The following CHCHD6 variants were observed in gnomAD, a reference collection of about 807,000 sequenced individuals.
The protein encoded by CHCHD6 is MICOS complex subunit MIC25.
CHCHD6 carries 28 observed loss-of-function variants against 32.3 expected under a neutral mutation model. That is an observed-to-expected ratio of 0.87 (90% confidence interval 0.64 to 1.19). CHCHD6 has a LOEUF of 1.19. CHCHD6 is among the 50% of genes most tolerant of loss of function. The pLI is 0.00. For synonymous variants in CHCHD6, 122 were observed against 117.5 expected, an observed-to-expected ratio of 1.04 and a Z score of -0.25; for missense variants, 333 against 307.0, an observed-to-expected ratio of 1.08 and a Z score of -0.63.
intron 4 of CHCHD6, among the ~76,000 whole-genome samples, chr3:126,746,670 A>T (rs1015720949): frequency 6.6e-6 from 1 of 152,182 alleles, no homozygotes; most frequent in African/African-American, 2.4e-5. Context: ...ATACACCGCC[A>T]TGTCACATGT....
intron 1 of CHCHD6, among the ~76,000 whole-genome samples, chr3:126,713,874 G>A (rs887124585): frequency 2.0e-5 from 3 of 150,046 alleles, no homozygotes; most frequent in Admixed American, 6.6e-5. Flanking sequence ...GCTTTAGATC[G>A]AGACCATCCT....
rs2078807526 is a variant in CHCHD6, at chr3:126,957,756, C to T, written c.702+205C>T. The T allele has an allele frequency of 1.2e-5, 8 of 654,428 alleles. No individual in the cohort carries two copies. In the East Asian group the frequency reaches 1.9e-4, roughly 16 times the overall value. 40.5% of individuals were successfully genotyped at this position (654,428 alleles called of 1,614,324 possible). A position where few individuals can be genotyped will look rare whatever the true frequency, so the allele number is the denominator to read the frequency against. ...TGGCTGCTTCCAGGAGCGCCTTGGACATCTGGCCCCAGGGAGATGATCCCT... is the reference window on the plus strand; with the variant it reads ...TGGCTGCTTCCAGGAGCGCCTTGGATATCTGGCCCCAGGGAGATGATCCCT... On this transcript the variant is annotated intron_variant, in intron 7 of 7. Coordinates refer to ENST00000290913, the MANE Select transcript of CHCHD6 (RefSeq NM_032343.3).
intron 5 of CHCHD6, among the ~76,000 whole-genome samples, chr3:126,854,178 G>C (rs1375674314): frequency 1.3e-5 from 2 of 152,168 alleles, no homozygotes; most frequent in African/African-American, 4.8e-5. Context: ...AGGAAATTCT[G>C]GATGAGTCTT....
At chr3:126,903,078 G>A (rs574250786) in intron 5 of CHCHD6, among the ~76,000 whole-genome samples, 2 of 152,306 alleles carry the variant, frequency 1.3e-5, no homozygotes, top group South Asian at 2.1e-4. Context: ...TATTCTGAGG[G>A]GAACTGGGGC....
chr3:126,955,961 G>C (rs1309538927), intron 6 of CHCHD6, among the ~76,000 whole-genome samples: 1 of 152,220 alleles, frequency 6.6e-6, no homozygotes, highest in Non-Finnish European at 1.5e-5. Flanking sequence ...TCACTGCTAA[G>C]TCAGCAGTGT....
chr3:126,766,926 GA>G, intron 4 of CHCHD6: 1 of 1,038,122 alleles, frequency 9.6e-7, no homozygotes, highest in Non-Finnish European at 1.5e-6. Context: ...CATAGCCACT[GA>G]AGCCCCAGGA....
chr3:126,942,938 T>C (rs933411622), intron 6 of CHCHD6, among the ~76,000 whole-genome samples: 5 of 152,302 alleles, frequency 3.3e-5, no homozygotes, highest in Admixed American at 2.6e-4. Context: ...CACAAGTCCA[T>C]AGTGATACTT....
At chr3:126,945,910 G>A (rs935384096) in intron 6 of CHCHD6, among the ~76,000 whole-genome samples, 5 of 151,994 alleles carry the variant, frequency 3.3e-5, no homozygotes, top group African/African-American at 4.8e-5. Context: ...ACTCTAAGAC[G>A]ACAGGGGGTG....
intron 6 of CHCHD6, among the ~76,000 whole-genome samples, chr3:126,932,363 A>G (rs987300260): frequency 1.1e-4 from 17 of 152,176 alleles, no homozygotes; most frequent in Non-Finnish European, 2.1e-4. Flanking sequence ...AGTGATTGCT[A>G]TGAGTCCTGG....
At chr3:126,797,167 C>T (rs1385503934) in intron 4 of CHCHD6, among the ~76,000 whole-genome samples, 1 of 152,184 alleles carries the variant, frequency 6.6e-6, no homozygotes, top group Non-Finnish European at 1.5e-5. Flanking sequence ...CTGAGGCTCT[C>T]TAGCCCGGCG....
chr3:126,859,778 C>T (rs768240311), intron 5 of CHCHD6, among the ~76,000 whole-genome samples: 6 of 152,198 alleles, frequency 3.9e-5, no homozygotes, highest in Non-Finnish European at 8.8e-5. Context: ...TGCCTCCCAC[C>T]GCCTCCCGCA....
chr3:126,932,323 C>T (rs375553764), intron 6 of CHCHD6, among the ~76,000 whole-genome samples: 2 of 152,282 alleles, frequency 1.3e-5, no homozygotes, highest in South Asian at 4.1e-4. Context: ...AAGCGAGGCC[C>T]TTGGAATCTG....
At chr3:126,776,761 T>A (rs1163654563) in intron 4 of CHCHD6, among the ~76,000 whole-genome samples, 1 of 152,226 alleles carries the variant, frequency 6.6e-6, no homozygotes, top group Non-Finnish European at 1.5e-5. Context: ...ATACATTTTA[T>A]AACCAGTGAC....
intron 4 of CHCHD6, among the ~76,000 whole-genome samples, chr3:126,787,732 C>T (rs547370467): frequency 4.6e-4 from 70 of 152,186 alleles, no homozygotes; most frequent in Admixed American, 1.2e-3. Context: ...TGGGCTGAGA[C>T]GATGGGGTTT....
intron 4 of CHCHD6, among the ~76,000 whole-genome samples, chr3:126,834,120 A>G (rs574786261): frequency 1.3e-4 from 20 of 151,608 alleles, no homozygotes; most frequent in African/African-American, 4.6e-4. Context: ...CATATGTGTG[A>G]AATAATCAAT....
intron 4 of CHCHD6, among the ~76,000 whole-genome samples, chr3:126,805,091 A>G (rs1939298059): frequency 6.6e-6 from 1 of 152,214 alleles, no homozygotes; most frequent in African/African-American, 2.4e-5. Flanking sequence ...CACAGCCAAT[A>G]TCATACTGAA....
chr3:126,788,768 A>G (rs1053403280), intron 4 of CHCHD6, among the ~76,000 whole-genome samples: 2 of 152,014 alleles, frequency 1.3e-5, no homozygotes, highest in African/African-American at 4.8e-5. Context: ...TTTTCAAACA[A>G]CCAGCTCCTG....
At chr3:126,926,662 G>A (rs896988013) in intron 6 of CHCHD6, among the ~76,000 whole-genome samples, 8 of 152,212 alleles carry the variant, frequency 5.3e-5, no homozygotes, top group Admixed American at 4.6e-4. Context: ...TGGTGGGACA[G>A]GGTGGTCCCA....
intron 4 of CHCHD6, chr3:126,767,022 G>A: frequency 1.1e-6 from 1 of 876,866 alleles, no homozygotes; most frequent in South Asian, 1.5e-5. Context: ...GTACAGGCAG[G>A]ATCTGCCTCA....
Sources: gnomAD v4.1 joint callset for allele counts (sites outside exome capture counted in the v4.1 genomes callset) on GRCh38, gnomAD v4.1.1 for gene constraint, MANE v1.5 for transcripts, NCBI Gene and HGNC (gene_info 2026-07-23, HGNC 2026-07-21) for gene names.